Variants in CADM2 observed in about 807,000 individuals in gnomAD.
The protein encoded by CADM2 is immunoglobulin superfamily member 4D.
A neutral mutation model predicts 49.8 loss-of-function variants in CADM2; 12 were observed. The observed-to-expected ratio is 0.24, with a 90% confidence interval of 0.15 to 0.39. The LOEUF is 0.39. Ranked by LOEUF, CADM2 falls within the 10% of genes least tolerant of loss-of-function variation. The pLI, the probability that CADM2 is intolerant of heterozygous loss-of-function variation, is 1.00. For missense variants in CADM2, 378 were observed against 492.3 expected, an observed-to-expected ratio of 0.77 and a Z score of 2.20; for synonymous variants, 214 against 175.4, an observed-to-expected ratio of 1.22 and a Z score of -1.74.
chr3:85,887,327 C>T (rs1280016783), intron 5 of CADM2, among the ~76,000 whole-genome samples: 2 of 152,142 alleles, frequency 1.3e-5, no homozygotes, highest in African/African-American at 4.8e-5. Context: ...AAGTGACCCT[C>T]CTGCCTCAGC....
chr3:85,857,108 C>T (rs1282432946), intron 3 of CADM2, among the ~76,000 whole-genome samples: 1 of 152,140 alleles, frequency 6.6e-6, no homozygotes, highest in African/African-American at 2.4e-5. Context: ...ATTATATCCT[C>T]ACATTGCACA....
At chr3:85,993,816 G>C (rs960560301) in intron 8 of CADM2, 1 of 151,716 alleles carries the variant, frequency 6.6e-6, no homozygotes, top group African/African-American at 2.4e-5. Context: ...TGAGCAGTAG[G>C]TCTCAGTCTC....
At chr3:85,876,762 G>C (rs1356263499) in intron 3 of CADM2, among the ~76,000 whole-genome samples, 1 of 152,078 alleles carries the variant, frequency 6.6e-6, no homozygotes, top group Non-Finnish European at 1.5e-5. Flanking sequence ...GCAGGTTCTT[G>C]AATAAATCAT....
intron 8 of CADM2, among the ~76,000 whole-genome samples, chr3:86,006,348 G>A (rs1730789616): frequency 6.6e-6 from 1 of 152,146 alleles, no homozygotes; most frequent in East Asian, 1.9e-4. Flanking sequence ...TCAACATGAT[G>A]GCAGGATCTG....
At chr3:85,124,907 A>G (rs71315097) in intron 1 of CADM2, among the ~76,000 whole-genome samples, 1 of 152,206 alleles carries the variant, frequency 6.6e-6, no homozygotes, top group Non-Finnish European at 1.5e-5. Flanking sequence ...CATATCATAC[A>G]ATAATAAAAT....
intron 8 of CADM2, among the ~76,000 whole-genome samples, chr3:86,047,944 G>A (rs1736863798): frequency 6.6e-6 from 1 of 152,212 alleles, no homozygotes; most frequent in Non-Finnish European, 1.5e-5. Context: ...GTTACATTTA[G>A]GAAAATGTGA....
intron 1 of CADM2, among the ~76,000 whole-genome samples, chr3:85,628,839 A>C (rs547139476): frequency 2.0e-5 from 3 of 150,976 alleles, no homozygotes; most frequent in African/African-American, 7.3e-5. Flanking sequence ...TATATCTCCA[A>C]TTTTTTTGTT....
intron 1 of CADM2, among the ~76,000 whole-genome samples, chr3:85,531,766 A>T (rs1032356424): frequency 4.6e-5 from 7 of 152,216 alleles, no homozygotes; most frequent in African/African-American, 1.4e-4. Flanking sequence ...GTAGAAAAAT[A>T]AAAAAGTATA....
At chr3:85,405,569 T>C (rs1346237949) in intron 1 of CADM2, among the ~76,000 whole-genome samples, 4 of 152,128 alleles carry the variant, frequency 2.6e-5, no homozygotes, top group African/African-American at 9.7e-5. Flanking sequence ...AAGGTTGCCC[T>C]CACTCAAAAG....
At chr3:85,861,448 A>G (rs2075531395) in intron 3 of CADM2, among the ~76,000 whole-genome samples, 1 of 152,126 alleles carries the variant, frequency 6.6e-6, no homozygotes, top group Admixed American at 6.6e-5. Context: ...TGGAGTGGGA[A>G]AATTTCAGGA....
intron 1 of CADM2, among the ~76,000 whole-genome samples, chr3:85,144,078 A>G (rs1205373805): frequency 6.6e-6 from 1 of 152,034 alleles, no homozygotes; most frequent in Non-Finnish European, 1.5e-5. Flanking sequence ...TCTCTTTCCC[A>G]TTTGGATTTC....
intron 1 of CADM2, among the ~76,000 whole-genome samples, chr3:85,205,018 ATTTT>A (rs201950814): frequency 2.1e-5 from 3 of 141,062 alleles, no homozygotes; most frequent in Non-Finnish European, 1.6e-5. Flanking sequence ...ACTTTACTTA[ATTTT>A]TTTTTTTTTT....
intron 1 of CADM2, among the ~76,000 whole-genome samples, chr3:85,416,321 T>C (rs1465050969): frequency 6.6e-6 from 1 of 152,126 alleles, no homozygotes. Flanking sequence ...CACACAAAGA[T>C]AATCAAAGAC....
chr3:85,827,119 A>G (rs1245405807), intron 3 of CADM2, among the ~76,000 whole-genome samples: 2 of 152,100 alleles, frequency 1.3e-5, no homozygotes, highest in Non-Finnish European at 2.9e-5. Context: ...TGCCTTTTTC[A>G]ATGACCTTAA....
At chr3:85,033,125 T>C (rs2035058533) in intron 1 of CADM2, among the ~76,000 whole-genome samples, 2 of 152,314 alleles carry the variant, frequency 1.3e-5, no homozygotes, top group South Asian at 2.1e-4. Context: ...GTCTCCATTC[T>C]TCTGTGCTAT....
chr3:85,158,684 A>G (rs2040219642), intron 1 of CADM2, among the ~76,000 whole-genome samples: 1 of 151,880 alleles, frequency 6.6e-6, no homozygotes, highest in African/African-American at 2.4e-5. Flanking sequence ...CACTCTGGGG[A>G]TTGTTGTGGG....
chr3:85,169,756 C>A (rs548760498), intron 1 of CADM2, among the ~76,000 whole-genome samples: 1 of 151,872 alleles, frequency 6.6e-6, no homozygotes, highest in Non-Finnish European at 1.5e-5. Context: ...GGCGACAGAG[C>A]GAGAATGCCT....
chr3:85,532,838 G>C (rs961924480), intron 1 of CADM2, among the ~76,000 whole-genome samples: 12 of 152,182 alleles, frequency 7.9e-5, no homozygotes, highest in African/African-American at 2.4e-4. Flanking sequence ...TAAAAAATGA[G>C]ATAATGTCCT....
At chr3:85,303,858 G>A (rs1219998718) in intron 1 of CADM2, among the ~76,000 whole-genome samples, 3 of 151,752 alleles carry the variant, frequency 2.0e-5, no homozygotes, top group Admixed American at 2.0e-4. Context: ...TTAAAAGATT[G>A]GATGATATAA....
Sources: gnomAD v4.1 joint callset for allele counts (sites outside exome capture counted in the v4.1 genomes callset) on GRCh38, gnomAD v4.1.1 for gene constraint, MANE v1.5 for transcripts, NCBI Gene and HGNC (gene_info 2026-07-23, HGNC 2026-07-21) for gene names.